MYLK: variants seen among roughly 807,000 people sequenced by gnomAD.
The protein encoded by MYLK is myosin light chain kinase, smooth muscle.
Under a neutral mutation model 203.4 loss-of-function variants are expected in MYLK, and 106 were observed. The ratio of observed to expected loss-of-function variants is 0.52; its 90% CI spans 0.45 to 0.61. The LOEUF (loss-of-function observed/expected upper bound fraction) is 0.61, where lower values mean the gene tolerates loss of function less well. Among genes scored for constraint, MYLK ranks in the 20% least tolerant of loss-of-function variants. The pLI is 0.00. For missense variants in MYLK, 2,072 were observed against 2,442.3 expected, an observed-to-expected ratio of 0.85 and a Z score of 3.20; for synonymous variants, 867 against 959.5, an observed-to-expected ratio of 0.90 and a Z score of 1.78.
intron 3 of MYLK, among the ~76,000 whole-genome samples, chr3:123,822,642 G>T (rs1202201457): frequency 6.6e-6 from 1 of 152,134 alleles, no homozygotes; most frequent in African/African-American, 2.4e-5. Flanking sequence ...CCACGTTTGT[G>T]GGGCTGACAG....
At chr3:123,716,512 AG>A (rs757600848) in intron 13 of MYLK, 1 of 152,252 alleles carries the variant, frequency 6.6e-6, no homozygotes, top group Non-Finnish European at 1.5e-5. Flanking sequence ...ATCCCAAAAA[AG>A]ATCTCTGACC....
intron 13 of MYLK, among the ~76,000 whole-genome samples, chr3:123,720,900 G>A (rs2062064285): frequency 6.6e-6 from 1 of 152,184 alleles, no homozygotes; most frequent in Admixed American, 6.5e-5. Context: ...GCCAGGGGAT[G>A]TGTCCTCTGA....
At position 123,618,838 on chromosome 3, in the gene MYLK, G is replaced by T. The variant is rs574112661; in HGVS notation, c.5369-68C>A. 3.9e-4 allele frequency: 623 copies of T among 1,601,764 alleles called. 7 individuals are homozygous for T. The South Asian group carries it at 6.6e-3, about 17-fold the overall frequency. On this transcript the variant is annotated intron_variant, in intron 32 of 33. Coordinates refer to ENST00000360304, the MANE Select transcript of MYLK (RefSeq NM_053025.4). Reference sequence around the variant, plus strand: ...GTTCTCGCCTCGCCTCTAGCTTAAAGAAACTAACTTTTAAAAAAGTTGCTA... The same window carrying T: ...GTTCTCGCCTCGCCTCTAGCTTAAATAAACTAACTTTTAAAAAAGTTGCTA...
intron 3 of MYLK, among the ~76,000 whole-genome samples, chr3:123,803,278 A>G (rs1390951541): frequency 1.3e-5 from 2 of 152,228 alleles, no homozygotes; most frequent in Non-Finnish European, 2.9e-5. Context: ...TAGGAGCTGA[A>G]TCTATGATGA....
In MYLK at chr3:123,657,066, A is replaced by G. The variant is rs539606310; in HGVS notation, c.4288+60T>C. On this transcript the variant is annotated intron_variant, in intron 24 of 33. Transcript: ENST00000360304. The stretch of plus-strand genomic sequence containing the variant: ...TCACCCCTTTCAGTACAGTCTTTAC[A>G]TACACAAGGTCAGTCACGCACATTT... The G allele has an allele frequency of 1.8e-5, 29 of 1,582,040 alleles. No individual in the cohort carries two copies. The African/African-American group carries it at 3.6e-4, about 20-fold the overall frequency.
intron 4 of MYLK, among the ~76,000 whole-genome samples, chr3:123,771,991 T>C (rs1259051734): frequency 1.3e-5 from 2 of 152,188 alleles, no homozygotes; most frequent in Non-Finnish European, 2.9e-5. Flanking sequence ...ACCTCTGATA[T>C]TGGCTTTAGC....
At chr3:123,824,307 C>T (rs1371300483) in intron 3 of MYLK, among the ~76,000 whole-genome samples, 2 of 152,134 alleles carry the variant, frequency 1.3e-5, no homozygotes, top group African/African-American at 4.8e-5. Flanking sequence ...CCAGGCTGGT[C>T]TCGAACTCCT....
At chr3:123,791,789 A>G (rs552558965) in intron 4 of MYLK, among the ~76,000 whole-genome samples, 108 of 152,390 alleles carry the variant, frequency 7.1e-4, no homozygotes, top group Non-Finnish European at 8.8e-4. Context: ...ACTGCAGTCA[A>G]CACTGAATTA....
At chr3:123,740,268 T>C (rs1173388280) in intron 5 of MYLK, among the ~76,000 whole-genome samples, 2 of 152,108 alleles carry the variant, frequency 1.3e-5, no homozygotes, top group East Asian at 1.9e-4. Context: ...AAGTCATCCA[T>C]ACAAGGTCAC....
rs60906509 is a variant in MYLK, at chr3:123,679,104, C to T, written c.3652+3120G>A. Among the ~76,000 whole-genome samples the T allele has an allele frequency of 4.2e-3, 638 of 152,118 alleles. 5 individuals are homozygous for T. Among genetic ancestry groups the T allele is most frequent in the African/African-American group, 0.015 (626 of 41,492 alleles). ...CGGGCGGATCACGAGGTCAAGAGAT[C>T]GAGACCATCCTGGCCCACATGGCGA... On this transcript the variant is annotated intron_variant, in intron 20 of 33. Transcript: ENST00000360304.
chr3:123,694,746 AT>A (rs2060839289), intron 18 of MYLK, among the ~76,000 whole-genome samples: 1 of 152,234 alleles, frequency 6.6e-6, no homozygotes, highest in Non-Finnish European at 1.5e-5. Flanking sequence ...AGGGCAAGGC[AT>A]GGGGCAGGCA....
chr3:123,825,886 A>C (rs2066100411), intron 3 of MYLK, among the ~76,000 whole-genome samples: 1 of 152,170 alleles, frequency 6.6e-6, no homozygotes, highest in South Asian at 2.1e-4. Flanking sequence ...GAGCCAGCCA[A>C]ATGGTTGCAT....
chr3:123,755,556 G>A (rs1251522751), intron 4 of MYLK, among the ~76,000 whole-genome samples: 1 of 152,130 alleles, frequency 6.6e-6, no homozygotes, highest in Non-Finnish European at 1.5e-5. Flanking sequence ...CAGTTCCAAG[G>A]TCTGAATGAT....
intron 18 of MYLK, among the ~76,000 whole-genome samples, chr3:123,697,873 C>T (rs1403790134): frequency 6.6e-6 from 1 of 152,148 alleles, no homozygotes; most frequent in African/African-American, 2.4e-5. Context: ...TCTGCTGCTG[C>T]TCTGGATCTG....
intron 20 of MYLK, among the ~76,000 whole-genome samples, chr3:123,671,692 T>C (rs1180734837): frequency 6.6e-6 from 1 of 152,096 alleles, no homozygotes; most frequent in East Asian, 1.9e-4. Flanking sequence ...AGAGGGAATA[T>C]GAAGCTCAGG....
intron 2 of MYLK, among the ~76,000 whole-genome samples, chr3:123,866,585 A>C (rs909802088): frequency 2.0e-5 from 3 of 152,148 alleles, no homozygotes; most frequent in Admixed American, 6.5e-5. Flanking sequence ...AGGGGACATG[A>C]AATATCAGGA....
chr3:123,855,246 T>C (rs2148675017), intron 2 of MYLK, among the ~76,000 whole-genome samples: 1 of 152,314 alleles, frequency 6.6e-6, no homozygotes, highest in Admixed American at 6.5e-5. Context: ...GCCTGTCATT[T>C]ACCTTCCATA....
chr3:123,716,723 A>G (rs1369168424), intron 13 of MYLK, among the ~76,000 whole-genome samples: 1 of 152,170 alleles, frequency 6.6e-6, no homozygotes, highest in African/African-American at 2.4e-5. Context: ...TAGGAGCTCA[A>G]TCCTGCGATT....
intron 11 of MYLK, among the ~76,000 whole-genome samples, chr3:123,730,277 G>A (rs924095385): frequency 4.6e-5 from 7 of 152,106 alleles, no homozygotes; most frequent in African/African-American, 1.7e-4. Context: ...AACAAGTATT[G>A]GTGAGAATGT....
Sources: allele counts gnomAD v4.1 joint callset (sites outside exome capture counted in the v4.1 genomes callset), GRCh38; gene constraint gnomAD v4.1.1; transcripts MANE v1.5; gene names NCBI Gene and HGNC (gene_info 2026-07-23, HGNC 2026-07-21).